PRKN: variants seen among roughly 807,000 people sequenced by gnomAD.
PRKN encodes parkin RBR E3 ubiquitin protein ligase.
A neutral mutation model predicts 59.5 loss-of-function variants in PRKN; 56 were observed. The ratio of observed to expected loss-of-function variants is 0.94; its 90% CI spans 0.76 to 1.18. The LOEUF (loss-of-function observed/expected upper bound fraction) is 1.18, where lower values mean the gene tolerates loss of function less well. Ranked by LOEUF, PRKN falls within the 50% of genes most tolerant of loss-of-function variation. The pLI, the probability that PRKN is intolerant of heterozygous loss-of-function variation, is 0.00. For missense variants in PRKN, 657 were observed against 596.4 expected (o/e 1.10, Z -1.06); for synonymous variants, 250 against 222.1 (o/e 1.13, Z -1.12).
chr6:162,637,182 G>A (rs1042664100), intron 1 of PRKN, among the ~76,000 whole-genome samples: 2 of 151,722 alleles, frequency 1.3e-5, no homozygotes, highest in Admixed American at 6.6e-5. Context: ...GCTTGAACCC[G>A]GGAGGCAGAG....
chr6:162,000,252 G>A (rs553296070), intron 5 of PRKN, among the ~76,000 whole-genome samples: 71 of 152,174 alleles, frequency 4.7e-4, no homozygotes, highest in South Asian at 2.3e-3. Flanking sequence ...ACCATATTGC[G>A]TTCCCATCAG....
chr6:162,483,559 A>G (rs73785516), intron 1 of PRKN, among the ~76,000 whole-genome samples: 1 of 150,294 alleles, frequency 6.7e-6, no homozygotes, highest in Non-Finnish European at 1.5e-5. Flanking sequence ...GACGTAGGGA[A>G]GGAGGGAGAG....
At chr6:162,103,402 T>G (rs1384153950) in intron 4 of PRKN, among the ~76,000 whole-genome samples, 1 of 152,040 alleles carries the variant, frequency 6.6e-6, no homozygotes, top group African/African-American at 2.4e-5. Flanking sequence ...CAATGTAATT[T>G]AAAATAGGAA....
At chr6:162,651,883 G>A (rs531372431) in intron 1 of PRKN, among the ~76,000 whole-genome samples, 65 of 152,232 alleles carry the variant, frequency 4.3e-4, no homozygotes, top group Non-Finnish European at 7.5e-4. Flanking sequence ...ATTGTTATAA[G>A]TAGATAGTTG....
intron 9 of PRKN, among the ~76,000 whole-genome samples, chr6:161,517,432 A>G (rs1351261406): frequency 6.6e-6 from 1 of 152,020 alleles, no homozygotes; most frequent in African/African-American, 2.4e-5. Context: ...ACACAGTTAT[A>G]AGATGAAATC....
chr6:161,553,576 GATTA>G (rs1780121568), intron 8 of PRKN, among the ~76,000 whole-genome samples: 2 of 152,202 alleles, frequency 1.3e-5, no homozygotes, highest in Admixed American at 6.5e-5. Flanking sequence ...TCAGTAACTA[GATTA>G]ATTTATTGGG....
rs1297079829 is a variant in PRKN, at chr6:161,395,696, T to A, written c.1084-8819A>T. On this transcript the variant is annotated intron_variant, in intron 9 of 11. Coordinates refer to ENST00000366898, the MANE Select transcript of PRKN (RefSeq NM_004562.3). This position sits in a 1 kb window ranked among gnomAD's most constrained non-coding sequence, Gnocchi z 5.0. ...TTTGCTAAGACCTTCTTTATACATG[T>A]TTTGTCACCACAGAGTTGTGTTCCT... 6.6e-6 allele frequency among the ~76,000 whole-genome samples: 1 copy of A among 152,200 alleles called. No homozygotes were observed. Among genetic ancestry groups the A allele is most frequent in the Non-Finnish European group, 1.5e-5 (1 of 68,040 alleles).
intron 4 of PRKN, among the ~76,000 whole-genome samples, chr6:162,106,385 G>C (rs1237600447): frequency 6.9e-6 from 1 of 145,770 alleles, no homozygotes; most frequent in Non-Finnish European, 1.5e-5. Flanking sequence ...CTGAGGACAT[G>C]AGAGAGTGAA....
chr6:162,567,326 A>C (rs1438341312), intron 1 of PRKN, among the ~76,000 whole-genome samples: 1 of 152,208 alleles, frequency 6.6e-6, no homozygotes, highest in Non-Finnish European at 1.5e-5. Context: ...GAAGAAGTCA[A>C]ATTATCCTTG....
chr6:162,710,847 A>T (rs1470496006), intron 1 of PRKN, among the ~76,000 whole-genome samples: 1 of 152,184 alleles, frequency 6.6e-6, no homozygotes, highest in East Asian at 1.9e-4. Flanking sequence ...TTTTCAGGTG[A>T]ATCTCCCTAA....
intron 2 of PRKN, among the ~76,000 whole-genome samples, chr6:162,311,983 T>A (rs1029806577): frequency 3.3e-5 from 5 of 151,992 alleles, no homozygotes; most frequent in Admixed American, 1.3e-4. Flanking sequence ...CACACACACG[T>A]GCATGCATAC....
chr6:162,235,946 G>GAAAGAAAGAAAGAAAGAAAAAGA (rs1778651428), intron 3 of PRKN, among the ~76,000 whole-genome samples: 3 of 80,780 alleles, frequency 3.7e-5, no homozygotes, highest in South Asian at 9.2e-4. Flanking sequence ...AGGAAGGAAG[G>GAAAGAAAGAAAGAAAGAAAAAGA]AAGGAAGAAA....
At position 161,943,998 on chromosome 6, in the gene PRKN, C is replaced by CT. The variant is rs1176689260; in HGVS notation, c.734+29303dup. On this transcript the variant is annotated intron_variant, in intron 6 of 11. Coordinates refer to ENST00000366898, the MANE Select transcript of PRKN (RefSeq NM_004562.3). ...TGAGGAAGCAGCCTGAGGAAGGAGC[C>CT]TGAGGAAGCAGCCTGAGGGATCAGC... is the stretch of plus-strand genomic sequence containing the variant. 3.6e-3 allele frequency among the ~76,000 whole-genome samples: 501 copies of CT among 137,782 alleles called. 10 individuals carry two copies. Among genetic ancestry groups the CT allele is most frequent in the African/African-American group, 0.013 (475 of 36,768 alleles). 90.4% of individuals were successfully genotyped at this position (137,782 alleles called of 152,430 possible). A position where few individuals can be genotyped will look rare whatever the true frequency, so the allele number is the denominator to read the frequency against.
Position 161,671,164 on chromosome 6 carries a change from G to A in PRKN, c.872-101748C>T, listed in dbSNP as rs898770670. 3.9e-5 allele frequency among the ~76,000 whole-genome samples: 6 copies of A among 152,086 alleles called. No individual in the cohort carries two copies. The South Asian group carries it at 6.2e-4, about 16-fold the overall frequency. Reference sequence around the variant, plus strand: ...GCAGATGGGATACCTGCATGGGGAGGGGCTTGTGTCTTGCTCTCAGAAACA... The same window carrying A: ...GCAGATGGGATACCTGCATGGGGAGAGGCTTGTGTCTTGCTCTCAGAAACA... On this transcript the variant is annotated intron_variant, in intron 7 of 11. Transcript: ENST00000366898.
rs948262475 is a variant in PRKN at position 162,132,098 on chromosome 6, T to C, written c.534+69033A>G. ...TGAGGTTTGAGTTGACCCCTGAAGA[T>C]GGGAAGGAGTGGACACAGAGAGGAG... On this transcript the variant is annotated intron_variant, in intron 4 of 11. Transcript: ENST00000366898. Among the ~76,000 whole-genome samples the C allele has an allele frequency of 7.2e-5, 11 of 152,206 alleles. No homozygotes were observed. In the South Asian group the frequency reaches 1.7e-3, roughly 23 times the overall value.
At chr6:161,628,214 G>A (rs535000285) in intron 7 of PRKN, among the ~76,000 whole-genome samples, 1 of 152,274 alleles carries the variant, frequency 6.6e-6, no homozygotes, top group African/African-American at 2.4e-5. Flanking sequence ...CAATTAATTT[G>A]GTTTGAAGAA....
chr6:162,229,382 C>A (rs1778321339), intron 3 of PRKN, among the ~76,000 whole-genome samples: 1 of 152,118 alleles, frequency 6.6e-6, no homozygotes, highest in Non-Finnish European at 1.5e-5. Flanking sequence ...ATGAGACCAC[C>A]TCTCACCACC....
intron 1 of PRKN, among the ~76,000 whole-genome samples, chr6:162,502,900 T>G (rs913092930): frequency 1.1e-4 from 16 of 152,084 alleles, no homozygotes; most frequent in Non-Finnish European, 1.9e-4. Flanking sequence ...CAGAACAATA[T>G]TCTGTGTTAC....
chr6:162,453,405 C>G (rs934605814), intron 1 of PRKN, among the ~76,000 whole-genome samples: 1 of 151,906 alleles, frequency 6.6e-6, no homozygotes, highest in Non-Finnish European at 1.5e-5. Context: ...TTAGTAGAAA[C>G]CACATTAAGG....
Sources: allele counts gnomAD v4.1 joint callset (sites outside exome capture counted in the v4.1 genomes callset), GRCh38; gene constraint gnomAD v4.1.1; non-coding constraint Gnocchi (gnomAD v3.1); transcripts MANE v1.5; gene names NCBI Gene and HGNC (gene_info 2026-07-23, HGNC 2026-07-21).